NTNG2: variants seen among roughly 807,000 people sequenced by gnomAD.
NTNG2 encodes netrin G2.
A neutral mutation model predicts 47.6 loss-of-function variants in NTNG2; 15 were observed. That is an observed-to-expected ratio of 0.32 (90% CI 0.21 to 0.49). NTNG2 has a LOEUF of 0.49. NTNG2 is among the 20% of genes least tolerant of loss of function. NTNG2 has a pLI of 0.99. For missense variants in NTNG2, 578 were observed against 764.6 expected, an observed-to-expected ratio of 0.76 and a Z score of 2.88; for synonymous variants, 307 against 324.6, an observed-to-expected ratio of 0.95 and a Z score of 0.58.
At chr9:132,234,022 CTATCT>C (rs1370004245) in intron 5 of NTNG2, 1 of 115,100 alleles carries the variant, frequency 8.7e-6, no homozygotes, top group Non-Finnish European at 1.7e-5. Flanking sequence ...TGAGGTAGAG[CTATCT>C]TTTTTTTTTT....
chr9:132,192,045 TC>T (rs1837933048), intron 2 of NTNG2, among the ~76,000 whole-genome samples: 1 of 152,342 alleles, frequency 6.6e-6, no homozygotes, highest in Non-Finnish European at 1.5e-5. Flanking sequence ...TAACAGTCTC[TC>T]CCTATATTAG....
chr9:132,191,071 G>A (rs1589423812), intron 2 of NTNG2, among the ~76,000 whole-genome samples: 1 of 152,168 alleles, frequency 6.6e-6, no homozygotes, highest in South Asian at 2.1e-4. Flanking sequence ...TATCTGAGAC[G>A]TGGAGCTGAC....
intron 3 of NTNG2, among the ~76,000 whole-genome samples, chr9:132,211,561 C>T (rs561962796): frequency 6.6e-6 from 1 of 152,166 alleles, no homozygotes; most frequent in East Asian, 1.9e-4. Context: ...ACCCCAAAGG[C>T]TGGGTCTCTC....
At chr9:132,202,954 G>A (rs1838890481) in intron 3 of NTNG2, among the ~76,000 whole-genome samples, 2 of 152,170 alleles carry the variant, frequency 1.3e-5, no homozygotes, top group Admixed American at 6.5e-5. Context: ...AATGACTTCA[G>A]CTGCCTGTTG....
chr9:132,224,767 A>T (rs1589521841), intron 3 of NTNG2, among the ~76,000 whole-genome samples: 1 of 152,126 alleles, frequency 6.6e-6, no homozygotes, highest in African/African-American at 2.4e-5. Flanking sequence ...TATTATGGAG[A>T]ATTTCCAACA....
At position 132,228,315 on chromosome 9, in the gene NTNG2, C is replaced by T. The variant is rs1026345759; in HGVS notation, c.1030+1294C>T. ...TTGAAGGGGTGACTTGGCAGGCACC[C>T]GACAGCACTCTCGGGTCTTCAAAGG... On this transcript the variant is annotated intron_variant, in intron 4 of 7. Coordinates refer to ENST00000393229, the MANE Select transcript of NTNG2 (RefSeq NM_032536.4). Among the ~76,000 whole-genome samples, 24 of 152,318 alleles carry T rather than the reference C, an allele frequency of 1.6e-4. No homozygotes were observed. The East Asian group carries it at 1.9e-3, about 12-fold the overall frequency.
intron 2 of NTNG2, among the ~76,000 whole-genome samples, chr9:132,176,640 C>T (rs1836483280): frequency 6.6e-6 from 1 of 152,202 alleles, no homozygotes; most frequent in African/African-American, 2.4e-5. Flanking sequence ...AGGAGTGATA[C>T]TGCTGTGGAC....
Position 132,244,505 on chromosome 9 carries a change from AT to A in NTNG2, c.*2395del, listed in dbSNP as rs1295375233. Reference sequence around the variant, plus strand: ...CCTGTCTTACTGTGTGAGAAAAAAAATAAACGGTGATGTGATTAAAACACTA... The same window carrying A: ...CCTGTCTTACTGTGTGAGAAAAAAAAAAACGGTGATGTGATTAAAACACTA... On this transcript the variant is annotated 3_prime_UTR_variant, in exon 8 of 8. Transcript: ENST00000393229. The A allele has an allele frequency of 3.3e-5, 5 of 152,238 alleles. No individual in the cohort carries two copies. Among genetic ancestry groups the A allele is most frequent in the Non-Finnish European group, 7.3e-5 (5 of 68,052 alleles). The allele number at this position is 152,238 out of a possible 1,614,324, so 9.4% of individuals were successfully genotyped here.
intron 3 of NTNG2, among the ~76,000 whole-genome samples, chr9:132,199,637 C>T (rs1161162744): frequency 6.6e-6 from 1 of 152,194 alleles, no homozygotes; most frequent in South Asian, 2.1e-4. Context: ...CTCCAGAGGT[C>T]GAGCTGATAC....
chr9:132,230,577 A>G lies in NTNG2; in HGVS notation c.1036A>G (p.Thr346Ala), dbSNP rs4962173. The change falls in exon 5 of 8, where the codon ACT becomes GCT. Residue 346 changes from threonine (T) to alanine (A), a missense_variant. Transcript: ENST00000393229. Reference protein sequence around the residue: ...LPHGSPNACATAGSFGNCECY... With the variant: ...LPHGSPNACAAAGSFGNCECY... ...CGCCCGTCTCTCTCCCACAGGTGCC[A>G]CTGCAGGTTCCTTTGGCAGTAAGTA... 1 allele frequency: 1,596,868 copies of G among 1,604,494 alleles called. 794,650 individuals are homozygous for G. The highest frequency in any genetic ancestry group is 1 in the Middle Eastern group (6,044 of 6,044).
chr9:132,177,105 A>C (rs571448342), intron 2 of NTNG2, among the ~76,000 whole-genome samples: 1 of 152,218 alleles, frequency 6.6e-6, no homozygotes, highest in South Asian at 2.1e-4. Context: ...TTCCTGCCTC[A>C]GCTCCCAAGT....
chr9:132,167,045 G>A lies in NTNG2; in HGVS notation c.213+1G>A. On this transcript the variant is annotated splice_donor_variant, in intron 2 of 7. Transcript: ENST00000393229. LOFTEE classifies it high-confidence loss of function. Reference sequence around the variant, plus strand: ...CCCCCCTGAGAGGTTCTGCTCCCATGTAAGTCCACTTACTGCTCTTTTGTT... The same window carrying A: ...CCCCCCTGAGAGGTTCTGCTCCCATATAAGTCCACTTACTGCTCTTTTGTT... 6.2e-7 allele frequency: 1 copy of A among 1,614,022 alleles called. No individual in the cohort carries two copies. The highest frequency in any genetic ancestry group is 8.5e-7 in the Non-Finnish European group (1 of 1,179,862).
chr9:132,216,440 G>C (rs1271990846), intron 3 of NTNG2, among the ~76,000 whole-genome samples: 25 of 148,118 alleles, frequency 1.7e-4, no homozygotes, highest in Middle Eastern at 6.9e-3. Context: ...GTGTGTGTGT[G>C]TGTGTGTGTG....
intron 2 of NTNG2, among the ~76,000 whole-genome samples, chr9:132,195,689 G>A (rs1384487906): frequency 1.3e-5 from 2 of 151,728 alleles, no homozygotes; most frequent in Non-Finnish European, 2.9e-5. Flanking sequence ...ACAGTGCAGT[G>A]GTGCTGCATA....
intron 5 of NTNG2, among the ~76,000 whole-genome samples, 189 bp downstream of exon 5, chr9:132,230,784 C>T (rs1841157672): frequency 6.7e-6 from 1 of 150,116 alleles, no homozygotes. Flanking sequence ...CCCCTCCACC[C>T]ATCCCCACTT....
intron 5 of NTNG2, among the ~76,000 whole-genome samples, chr9:132,234,176 C>T (rs1221065358): frequency 6.6e-6 from 1 of 152,130 alleles, no homozygotes; most frequent in Non-Finnish European, 1.5e-5. Context: ...TTACAGGCAC[C>T]TGTCACCATG....
At position 132,239,145 on chromosome 9, in the gene NTNG2, G is replaced by T; in HGVS notation, c.1096G>T (p.Asp366Tyr). ...TCACTCCAACCGCTGCAGCTACATT[G>T]ACTTCCTGAATGTGGTGACCTGCGT... ...YGHSNRCSYI[D>Y]FLNVVTCVSC... The change falls in exon 6 of 8, where the codon GAC becomes TAC. Residue 366 changes from aspartate (D) to tyrosine (Y), a missense_variant. Asp to Tyr is a radical substitution (Grantham distance 160). Coordinates refer to ENST00000393229, the MANE Select transcript of NTNG2 (RefSeq NM_032536.4). 1 of 1,613,926 alleles carries T rather than the reference G, an allele frequency of 6.2e-7. No homozygotes were observed. Among genetic ancestry groups the T allele is most frequent in the South Asian group, 1.1e-5 (1 of 91,074 alleles).
chr9:132,210,725 A>T (rs1354116157), intron 3 of NTNG2, among the ~76,000 whole-genome samples: 1 of 152,178 alleles, frequency 6.6e-6, no homozygotes, highest in African/African-American at 2.4e-5. Flanking sequence ...TGGGGAGAGG[A>T]CAGGCCACAT....
chr9:132,221,473 G>A lies in NTNG2; in HGVS notation c.858-5376G>A, dbSNP rs190230903. On this transcript the variant is annotated intron_variant, in intron 3 of 7. Coordinates refer to ENST00000393229, the MANE Select transcript of NTNG2 (RefSeq NM_032536.4). The surrounding 1 kb of genome is among the most constrained non-coding windows in gnomAD (Gnocchi z 4.2). ...CCTGCAAAAGTCAGAGAGACCAGAA[G>A]CACCTGCATTGACCAGGTGCCATGT... 1.3e-3 allele frequency among the ~76,000 whole-genome samples: 198 copies of A among 152,254 alleles called. No individual in the cohort carries two copies. Among genetic ancestry groups the A allele is most frequent in the Non-Finnish European group, 2.0e-3 (139 of 68,014 alleles).
Sources: allele counts gnomAD v4.1 joint callset (sites outside exome capture counted in the v4.1 genomes callset), GRCh38; gene constraint gnomAD v4.1.1; non-coding constraint Gnocchi (gnomAD v3.1); transcripts MANE v1.5; gene names NCBI Gene and HGNC (gene_info 2026-07-23, HGNC 2026-07-21).